DYRK1A: variants seen among roughly 807,000 people sequenced by gnomAD.
The protein encoded by DYRK1A is dual specificity tyrosine phosphorylation regulated kinase 1A, also known as dual specificity tyrosine-phosphorylation-regulated kinase 1A.
DYRK1A carries 9 observed loss-of-function variants against 79.7 expected under a neutral mutation model. The ratio of observed to expected loss-of-function variants is 0.11; its 90% confidence interval spans 0.07 to 0.20. DYRK1A has a LOEUF of 0.20. Among genes scored for constraint, DYRK1A ranks in the 10% least tolerant of loss-of-function variants. The pLI, the probability that DYRK1A is intolerant of heterozygous loss-of-function variation, is 1.00. For missense variants in DYRK1A, 622 were observed against 956.0 expected, an observed-to-expected ratio of 0.65 and a Z score of 4.61; for synonymous variants, 349 against 329.7, an observed-to-expected ratio of 1.06 and a Z score of -0.63.
Position 37,488,548 on chromosome 21 carries a change from C to A in DYRK1A, c.638-1627C>A, listed in dbSNP as rs961638304. The A allele has an allele frequency of 1.3e-5, 13 of 983,308 alleles. No individual in the cohort carries two copies. In the African/African-American group the frequency reaches 2.3e-4, roughly 17 times the overall value. The allele number at this position is 983,308 out of a possible 1,614,324, so 60.9% of individuals were successfully genotyped here. ...AGTTAAAAGAAAATTTAGTTGAAGT[C>A]TTCAACAAAGTCTTGCCAGCCCTCC... On this transcript the variant is annotated intron_variant, in intron 6 of 11. Transcript: ENST00000647188.
At chr21:37,479,606 GTTTTTGTTTTTTGTTTT>G (rs1479526739) in intron 4 of DYRK1A, among the ~76,000 whole-genome samples, 5 of 27,592 alleles carry the variant, frequency 1.8e-4, no homozygotes, top group East Asian at 1.1e-3. Flanking sequence ...TTTTGTTTTT[GTTTTTGTTTTTTGTTTT>G]TTTTTTTTTT....
chr21:37,500,086 TTTTG>T (rs749546509), intron 9 of DYRK1A, among the ~76,000 whole-genome samples: 13 of 152,192 alleles, frequency 8.5e-5, no homozygotes, highest in Non-Finnish European at 1.5e-4. Flanking sequence ...ATGACTGTAT[TTTTG>T]TTGTTGAAAT....
Position 37,496,191 on chromosome 21 carries a change from C to G in DYRK1A, c.1145C>G (p.Ala382Gly), listed in dbSNP as rs747860415. 17 of 1,613,976 alleles carry G rather than the reference C, an allele frequency of 1.1e-5. No homozygotes were observed. The highest frequency in any genetic ancestry group is 1.4e-5 in the Non-Finnish European group (17 of 1,179,970). The change falls in exon 9 of 12, where the codon GCA (alanine) becomes GGA (glycine). Residue 382 changes from alanine to glycine, a missense_variant. Ala to Gly is a moderately conservative substitution (Grantham distance 60). Transcript: ENST00000647188. ...CATATTCTTGACCAAGCACCAAAAG[C>G]AAGAAAGTTCTTTGAGAAGTTGCCA... The part of the protein sequence containing the change: ...PAHILDQAPK[A>G]RKFFEKLPDG...
At chr21:37,459,698 T>C (rs2051774962) in intron 2 of DYRK1A, among the ~76,000 whole-genome samples, 3 of 152,242 alleles carry the variant, frequency 2.0e-5, no homozygotes, top group Non-Finnish European at 2.9e-5. Context: ...TGAGACATGA[T>C]ACTGCCTGAC....
intron 2 of DYRK1A, among the ~76,000 whole-genome samples, chr21:37,463,805 C>T (rs558177727): frequency 2.0e-5 from 3 of 152,278 alleles, no homozygotes; most frequent in Non-Finnish European, 4.4e-5. Flanking sequence ...CTAGGGACCT[C>T]GTGGGTTTTT....
intron 5 of DYRK1A, among the ~76,000 whole-genome samples, chr21:37,483,842 C>T (rs1290026331): frequency 6.6e-6 from 1 of 152,058 alleles, no homozygotes; most frequent in Non-Finnish European, 1.5e-5. Flanking sequence ...CTCAGCTTCC[C>T]ACAGTGCTGA....
At chr21:37,440,136 T>TTTTTTTTTTA in intron 2 of DYRK1A, among the ~76,000 whole-genome samples, 1 of 100,756 alleles carries the variant, frequency 9.9e-6, no homozygotes, top group African/African-American at 3.4e-5. Flanking sequence ...GCTCCTTTTT[T>TTTTTTTTTTA]TTTTTTTTTT....
rs2148671575 is a variant in DYRK1A, at chr21:37,518,123, T to TCCAGCAGTTGAGGAGGC, written c.*5597_*5598insAGTTGAGGAGGCCCAGC. The TCCAGCAGTTGAGGAGGC allele has an allele frequency of 6.6e-6, 1 of 152,360 alleles. No homozygotes were observed. Among genetic ancestry groups the TCCAGCAGTTGAGGAGGC allele is most frequent in the South Asian group, 2.1e-4 (1 of 4,834 alleles). The allele number at this position is 152,360 out of a possible 1,614,324, so 9.4% of individuals were successfully genotyped here. ...TCAAACTGCTGGCCTCAAGTGATCC[T>TCCAGCAGTTGAGGAGGC]CCAGCCTGGGCCTCTCAAACATAAA... On this transcript the variant is annotated 3_prime_UTR_variant, in exon 12 of 12. Coordinates refer to ENST00000647188, the MANE Select transcript of DYRK1A (RefSeq NM_001347721.2).
chr21:37,398,176 A>C (rs756006378), intron 1 of DYRK1A, among the ~76,000 whole-genome samples: 75 of 150,812 alleles, frequency 5.0e-4, no homozygotes, highest in Admixed American at 2.9e-3. Context: ...ACACACACAC[A>C]TACACACACA....
At chr21:37,481,732 G>A (rs915424967) in intron 5 of DYRK1A, 2 of 152,074 alleles carry the variant, frequency 1.3e-5, no homozygotes, top group South Asian at 2.1e-4. Context: ...CGGGTCAGGC[G>A]TGGTGACTCA....
chr21:37,507,514 G>A (rs1374907637), intron 11 of DYRK1A, among the ~76,000 whole-genome samples: 5 of 152,032 alleles, frequency 3.3e-5, no homozygotes, highest in Non-Finnish European at 7.4e-5. Flanking sequence ...CTCTCCTGCC[G>A]GTGTCAGCGG....
At chr21:37,505,738 C>A in intron 10 of DYRK1A, 149 bp downstream of exon 10, 2 of 890,338 alleles carry the variant, frequency 2.2e-6, no homozygotes, top group Non-Finnish European at 3.3e-6. Context: ...GTAGTAAATT[C>A]ATCTCCCCCA....
intron 2 of DYRK1A, among the ~76,000 whole-genome samples, chr21:37,458,177 G>A (rs1226793134): frequency 6.6e-6 from 1 of 151,656 alleles, no homozygotes; most frequent in Non-Finnish European, 1.5e-5. Context: ...GTACTTACGG[G>A]TTTCTTGGAA....
chr21:37,469,661 A>G (rs1369504093), intron 2 of DYRK1A, among the ~76,000 whole-genome samples: 4 of 152,150 alleles, frequency 2.6e-5, no homozygotes, highest in East Asian at 1.9e-4. Context: ...AAAGTCAGGC[A>G]AAAGGGGGAG....
Position 37,513,669 on chromosome 21 carries a change from G to A in DYRK1A, c.*1138G>A, listed in dbSNP as rs569954570. ...TTTTTCTTTTGCTTTTTCTCGGCACGTGGTATCTCCACCATTTCTTCTGCA... is the reference window on the plus strand; with the variant it reads ...TTTTTCTTTTGCTTTTTCTCGGCACATGGTATCTCCACCATTTCTTCTGCA... On this transcript the variant is annotated 3_prime_UTR_variant, in exon 12 of 12. Transcript: ENST00000647188. 2 of 152,662 alleles carry A rather than the reference G, an allele frequency of 1.3e-5. No individual in the cohort carries two copies. The highest frequency in any genetic ancestry group is 2.1e-4 in the South Asian group (1 of 4,822). 9.5% of individuals were successfully genotyped at this position (152,662 alleles called of 1,614,324 possible).
intron 2 of DYRK1A, among the ~76,000 whole-genome samples, chr21:37,469,299 C>A (rs1005938678): frequency 2.0e-5 from 3 of 152,166 alleles, no homozygotes; most frequent in Non-Finnish European, 4.4e-5. Flanking sequence ...AAGAAGCTTA[C>A]AAGTGGCAGT....
At chr21:37,447,388 A>C (rs1377020840) in intron 2 of DYRK1A, among the ~76,000 whole-genome samples, 2 of 152,198 alleles carry the variant, frequency 1.3e-5, no homozygotes, top group Non-Finnish European at 2.9e-5. Flanking sequence ...ACATTAAAAA[A>C]ACATAATTTC....
intron 1 of DYRK1A, among the ~76,000 whole-genome samples, chr21:37,373,723 C>A (rs1203780036): frequency 1.3e-5 from 2 of 152,192 alleles, no homozygotes; most frequent in Non-Finnish European, 2.9e-5. Flanking sequence ...TTTCTTCATA[C>A]CCTATTGGTC....
intron 1 of DYRK1A, among the ~76,000 whole-genome samples, chr21:37,377,775 C>T (rs1012750201): frequency 3.3e-5 from 5 of 152,224 alleles, no homozygotes; most frequent in East Asian, 3.9e-4. Context: ...TCTTAATGGT[C>T]GGAAAGTATT....
Sources: gnomAD v4.1 joint callset for allele counts (sites outside exome capture counted in the v4.1 genomes callset) on GRCh38, gnomAD v4.1.1 for gene constraint, MANE v1.5 for transcripts, NCBI Gene and HGNC (gene_info 2026-07-23, HGNC 2026-07-21) for gene names.